The following AXDND1 variants were observed in gnomAD, a reference collection of about 807,000 sequenced individuals.
AXDND1 encodes axonemal dynein light chain domain containing 1.
Under a neutral mutation model 137.5 loss-of-function variants are expected in AXDND1, and 110 were observed. That is an observed-to-expected ratio of 0.80 (90% CI 0.69 to 0.94). AXDND1 has a LOEUF of 0.94. Ranked by LOEUF, AXDND1 falls within the 40% of genes least tolerant of loss-of-function variation. The probability of loss-of-function intolerance (pLI) is 0.00; values close to 1 mark genes in which losing one functional copy is unlikely to be tolerated. For synonymous variants in AXDND1, 414 were observed against 399.7 expected (o/e 1.04, Z -0.43); for missense variants, 1,191 against 1,169.8 (o/e 1.02, Z -0.26).
In AXDND1 at chr1:179,378,697, T is replaced by C. The variant is rs10798674; in HGVS notation, c.435T>C (p.Val145=). ...YAKGQTREKA[V]CPPHLARSLQ... is the part of the protein sequence containing the mutation. ...AAGGACAGACTAGGGAGAAGGCAGT[T>C]TGTCCCCCACATTTGGCCCGTTCAT... Residue 145 remains valine (V), a synonymous_variant, in exon 5 of 26, where the codon GTT becomes GTC. Transcript: ENST00000367618. 0.47 allele frequency: 743,195 copies of C among 1,586,040 alleles called. 179,218 individuals carry two copies. Among genetic ancestry groups the C allele is most frequent in the East Asian group, 0.74 (32,306 of 43,646 alleles).
At chr1:179,496,381 T>A (rs139019351) in intron 20 of AXDND1, among the ~76,000 whole-genome samples, 93 of 152,196 alleles carry the variant, frequency 6.1e-4, no homozygotes, top group African/African-American at 1.9e-3. Flanking sequence ...ATCTAATTTC[T>A]TTAACAAGTT....
At chr1:179,484,514 G>C (rs1665799222) in intron 18 of AXDND1, among the ~76,000 whole-genome samples, 1 of 152,096 alleles carries the variant, frequency 6.6e-6, no homozygotes, top group Admixed American at 6.5e-5. Flanking sequence ...ATGCCCAGCT[G>C]AGGTGCCTCC....
intron 20 of AXDND1, among the ~76,000 whole-genome samples, chr1:179,497,260 G>A (rs750982607): frequency 1.3e-5 from 2 of 152,102 alleles, no homozygotes; most frequent in Non-Finnish European, 2.9e-5. Flanking sequence ...GTTATTCAGA[G>A]AGGAGTATTG....
chr1:179,499,849 A>G (rs751357632), intron 20 of AXDND1, among the ~76,000 whole-genome samples: 8 of 152,134 alleles, frequency 5.3e-5, no homozygotes, highest in Non-Finnish European at 8.8e-5. Flanking sequence ...TTTAGATGAA[A>G]TGGACAAATA....
In AXDND1 at chr1:179,491,676, T is replaced by C. The variant is rs139585988; in HGVS notation, c.2230T>C (p.Leu744=). 56 of 1,611,478 alleles carry C rather than the reference T, an allele frequency of 3.5e-5. No individual in the cohort carries two copies. The highest frequency in any genetic ancestry group is 9.4e-5 in the African/African-American group (7 of 74,824). Residue 744 remains leucine, a synonymous_variant, in exon 19 of 26, where the codon TTG becomes CTG. Coordinates refer to ENST00000367618, the MANE Select transcript of AXDND1 (RefSeq NM_144696.6). ...AEKHDIGVAR[L]ELDAIELTRK... ...GAAACATGATATAGGAGTTGCGCGATTGGAGCTAGATGCGATTGAACTGAC... is the reference window on the plus strand; with the variant it reads ...GAAACATGATATAGGAGTTGCGCGACTGGAGCTAGATGCGATTGAACTGAC...
At chr1:179,500,337 A>ATGTG (rs57654195) in intron 20 of AXDND1, among the ~76,000 whole-genome samples, 14,042 of 133,736 alleles carry the variant, frequency 0.1, 764 homozygotes, top group Non-Finnish European at 0.12. Context: ...AGGGTACATT[A>ATGTG]TGTGTGTGTG....
chr1:179,532,962 T>C (rs1671163685), intron 23 of AXDND1: 1 of 152,078 alleles, frequency 6.6e-6, no homozygotes, highest in Non-Finnish European at 1.5e-5. Context: ...GGTTCTTTTC[T>C]CTTTTAGAAA....
At chr1:179,400,187 C>A (rs1315610266) in intron 11 of AXDND1, among the ~76,000 whole-genome samples, 2 of 152,114 alleles carry the variant, frequency 1.3e-5, no homozygotes, top group East Asian at 3.8e-4. Context: ...GCCCATCAAT[C>A]AACGAGTGGA....
chr1:179,368,593 A>C (rs1284115517), intron 2 of AXDND1, among the ~76,000 whole-genome samples: 3 of 152,182 alleles, frequency 2.0e-5, no homozygotes, highest in Non-Finnish European at 4.4e-5. Context: ...TGTCTGATGT[A>C]ATGTGAGTAG....
chr1:179,419,006 A>G (rs1359236767), intron 12 of AXDND1, among the ~76,000 whole-genome samples: 1 of 150,518 alleles, frequency 6.6e-6, no homozygotes, highest in East Asian at 2.0e-4. Flanking sequence ...CGCTCCCCAC[A>G]TCTCAGACGA....
At chr1:179,408,968 C>CTTTTTTTTT (rs74384865) in intron 11 of AXDND1, among the ~76,000 whole-genome samples, 2 of 126,402 alleles carry the variant, frequency 1.6e-5, no homozygotes, top group African/African-American at 3.1e-5. Context: ...TTTTTTCTTT[C>CTTTTTTTTT]TTTTTTTTTT....
intron 20 of AXDND1, among the ~76,000 whole-genome samples, chr1:179,496,565 T>C (rs1667467918): frequency 6.6e-6 from 1 of 152,054 alleles, no homozygotes; most frequent in African/African-American, 2.4e-5. Context: ...CATTCTGTTA[T>C]GGAAATTTTG....
intron 25 of AXDND1, among the ~76,000 whole-genome samples, chr1:179,553,588 G>T (rs1316863032): frequency 3.3e-5 from 5 of 152,188 alleles, no homozygotes; most frequent in Admixed American, 2.6e-4. Flanking sequence ...ATTAGTGGTT[G>T]CCAGGGATTA....
chr1:179,525,915 A>G (rs1031035633), intron 22 of AXDND1, among the ~76,000 whole-genome samples: 2 of 152,038 alleles, frequency 1.3e-5, no homozygotes, highest in African/African-American at 4.8e-5. Context: ...CCTCATATAG[A>G]TTTAGCCAAA....
At position 179,551,359 on chromosome 1, in the gene AXDND1, T is replaced by A. The variant is rs766914759; in HGVS notation, c.3032-3153T>A. On this transcript the variant is annotated intron_variant, in intron 25 of 25. Coordinates refer to ENST00000367618, the MANE Select transcript of AXDND1 (RefSeq NM_144696.6). ...ACAGAGACTGAAGGGTGTGGAGGTA[T>A]CGAAGCTGAACGGCAGCAGGGGTGC... 1.1e-5 allele frequency: 17 copies of A among 1,613,978 alleles called. No individual in the cohort carries two copies. The Admixed American group carries it at 2.5e-4, about 24-fold the overall frequency.
intron 10 of AXDND1, 51 bp from the exon 11 acceptor site, chr1:179,395,047 C>G (rs1264253363): frequency 6.6e-7 from 1 of 1,510,384 alleles, no homozygotes; most frequent in Non-Finnish European, 9.0e-7. Flanking sequence ...TTGGTAGAAA[C>G]TTTTTGGAAA....
intron 4 of AXDND1, among the ~76,000 whole-genome samples, chr1:179,371,570 C>A (rs780315498): frequency 1.3e-5 from 2 of 152,164 alleles, no homozygotes; most frequent in African/African-American, 2.4e-5. Flanking sequence ...CCTGTGAATA[C>A]ATACCTCACC....
intron 9 of AXDND1, among the ~76,000 whole-genome samples, chr1:179,386,849 T>G (rs1235888477): frequency 6.6e-6 from 1 of 152,024 alleles, no homozygotes; most frequent in Non-Finnish European, 1.5e-5. Context: ...CTCAGCCTCC[T>G]CAGTAGCTGG....
chr1:179,521,404 G>T (rs1345369939), intron 21 of AXDND1, among the ~76,000 whole-genome samples: 1 of 152,048 alleles, frequency 6.6e-6, no homozygotes, highest in East Asian at 1.9e-4. Flanking sequence ...TACAAATAGG[G>T]ATAGTTTTAC....
Sources: allele counts gnomAD v4.1 joint callset (sites outside exome capture counted in the v4.1 genomes callset), GRCh38; gene constraint gnomAD v4.1.1; transcripts MANE v1.5; gene names NCBI Gene and HGNC (gene_info 2026-07-23, HGNC 2026-07-21).